Variants in COMMD1 observed in about 807,000 individuals in gnomAD.
COMMD1 encodes COMM domain-containing protein 1.
In COMMD1, 10 loss-of-function variants were observed where a neutral mutation model predicts 17.2. The observed-to-expected ratio is 0.58, with a 90% CI of 0.36 to 0.99. The LOEUF (loss-of-function observed/expected upper bound fraction) is 0.99, where lower values mean the gene tolerates loss of function less well. Among genes scored for constraint, COMMD1 ranks in the 50% least tolerant of loss-of-function variants. COMMD1 has a pLI of 0.01. For synonymous variants in COMMD1, 97 were observed against 91.6 expected, an observed-to-expected ratio of 1.06 and a Z score of -0.34; for missense variants, 270 against 231.8, an observed-to-expected ratio of 1.17 and a Z score of -1.07.
chr2:61,982,956 CAG>C (rs1671997539), intron 1 of COMMD1, among the ~76,000 whole-genome samples: 1 of 152,094 alleles, frequency 6.6e-6, no homozygotes, highest in Non-Finnish European at 1.5e-5. Context: ...TAATGTTCAT[CAG>C]AGATATTGGC....
chr2:61,997,321 C>T (rs1558554054), intron 1 of COMMD1, among the ~76,000 whole-genome samples: 1 of 151,718 alleles, frequency 6.6e-6, no homozygotes, highest in Non-Finnish European at 1.5e-5. Flanking sequence ...CTCGGCCTCC[C>T]AAGTGCTGAG....
At chr2:61,979,700 T>C (rs568646903) in intron 1 of COMMD1, among the ~76,000 whole-genome samples, 2 of 152,262 alleles carry the variant, frequency 1.3e-5, no homozygotes, top group African/African-American at 4.8e-5. Context: ...CCCTTTTCTC[T>C]GTATCCTCAC....
At chr2:61,896,612 C>T (rs1395106820) in intron 1 of COMMD1, among the ~76,000 whole-genome samples, 1 of 152,054 alleles carries the variant, frequency 6.6e-6, no homozygotes, top group Non-Finnish European at 1.5e-5. Context: ...CTTGTTATTA[C>T]TCCTCTGCTT....
intron 1 of COMMD1, among the ~76,000 whole-genome samples, chr2:61,970,944 G>C (rs1456737820): frequency 6.6e-6 from 1 of 152,100 alleles, no homozygotes; most frequent in African/African-American, 2.4e-5. Context: ...CAGGGTCCCT[G>C]TTGCCCAGGC....
Position 61,957,242 on chromosome 2 carries a change from G to A in COMMD1, c.181-43459G>A, listed in dbSNP as rs560967123. On this transcript the variant is annotated intron_variant, in intron 1 of 2. Transcript: ENST00000311832. ...TGAGTAGCAGGGATTACAGGTGTAG[G>A]TTTATAACCTGCTTCATAGGAGATT... Among the ~76,000 whole-genome samples the A allele has an allele frequency of 1.1e-4, 17 of 152,090 alleles. No individual in the cohort carries two copies. The South Asian group carries it at 3.3e-3, about 30-fold the overall frequency.
At position 61,947,153 on chromosome 2, in the gene COMMD1, G is replaced by C. The variant is rs147731310; in HGVS notation, c.180+41295G>C. 3.1e-4 allele frequency among the ~76,000 whole-genome samples: 47 copies of C among 152,138 alleles called. No homozygotes were observed. In the East Asian group the frequency reaches 8.3e-3, roughly 27 times the overall value. On this transcript the variant is annotated intron_variant, in intron 1 of 2. Transcript: ENST00000311832. The stretch of plus-strand genomic sequence containing the variant: ...GTTGTCAAAAGTAGATGTTTACTAA[G>C]AGACCCAAATATCTTTAGTTTCTCT...
chr2:62,127,223 G>C (rs1672908914), intron 2 of COMMD1, among the ~76,000 whole-genome samples: 1 of 152,152 alleles, frequency 6.6e-6, no homozygotes, highest in African/African-American at 2.4e-5. Context: ...AAGGAAATCA[G>C]AGAGGACACA....
intron 1 of COMMD1, among the ~76,000 whole-genome samples, chr2:61,911,764 C>T (rs1342746612): frequency 1.3e-5 from 2 of 152,178 alleles, no homozygotes; most frequent in Non-Finnish European, 2.9e-5. Flanking sequence ...CCTCTTTACT[C>T]TCCTGCTCTC....
intron 1 of COMMD1, among the ~76,000 whole-genome samples, chr2:61,943,313 G>A (rs1572986969): frequency 6.6e-6 from 1 of 152,166 alleles, no homozygotes; most frequent in South Asian, 2.1e-4. Flanking sequence ...ACCAAACAGG[G>A]TGCCTGAGAG....
intron 1 of COMMD1, among the ~76,000 whole-genome samples, chr2:61,920,558 G>A (rs1445824924): frequency 1.3e-5 from 2 of 152,032 alleles, no homozygotes; most frequent in Non-Finnish European, 2.9e-5. Flanking sequence ...GTGTTTAATA[G>A]GAAGAAATAT....
rs543439519 is a variant in COMMD1 at position 61,948,940 on chromosome 2, G to A, written c.180+43082G>A. On this transcript the variant is annotated intron_variant, in intron 1 of 2. Coordinates refer to ENST00000311832, the MANE Select transcript of COMMD1 (RefSeq NM_152516.4). The stretch of plus-strand genomic sequence containing the variant: ...GTCTGAAGGGATGGGTCTCAGAGGA[G>A]CCAGCTTGGGAGATATTTAGGTTTT... Among the ~76,000 whole-genome samples the A allele has an allele frequency of 3.1e-4, 47 of 152,248 alleles. 1 individual carries two copies. The highest frequency in any genetic ancestry group is 1.0e-3 in the African/African-American group (43 of 41,552).
chr2:61,968,681 C>G (rs1489755052), intron 1 of COMMD1, among the ~76,000 whole-genome samples: 1 of 151,566 alleles, frequency 6.6e-6, no homozygotes, highest in Non-Finnish European at 1.5e-5. Context: ...CTCAGCCTTT[C>G]CAGTAGTTGT....
chr2:62,009,080 G>A (rs896128796), intron 2 of COMMD1, among the ~76,000 whole-genome samples: 3 of 151,824 alleles, frequency 2.0e-5, no homozygotes, highest in Admixed American at 2.0e-4. Flanking sequence ...CACCGGGCCC[G>A]GTCTAGAATA....
At chr2:62,026,476 G>A (rs375579805) in intron 2 of COMMD1, among the ~76,000 whole-genome samples, 2 of 152,040 alleles carry the variant, frequency 1.3e-5, no homozygotes, top group African/African-American at 2.4e-5. Flanking sequence ...CTGCCCCCTC[G>A]ACCCAAACAC....
At chr2:62,113,494 C>G (rs1260218129) in intron 2 of COMMD1, among the ~76,000 whole-genome samples, 2 of 152,214 alleles carry the variant, frequency 1.3e-5, no homozygotes, top group Non-Finnish European at 2.9e-5. Context: ...AGCGATTCCC[C>G]TGCCCCAGCC....
rs369357866 is a variant in COMMD1, at chr2:61,910,396, C to T, written c.180+4538C>T. On this transcript the variant is annotated intron_variant, in intron 1 of 2. Transcript: ENST00000311832. ...CTGAGTAGCTGGGATTACAGACACC[C>T]GCCACCACACCCAGCTAATTTTTGT... 4.0e-4 allele frequency among the ~76,000 whole-genome samples: 61 copies of T among 151,736 alleles called. 1 individual carries two copies. The highest frequency in any genetic ancestry group is 6.8e-4 in the Non-Finnish European group (46 of 67,952).
chr2:62,039,963 G>A (rs1395861482), intron 2 of COMMD1, among the ~76,000 whole-genome samples: 10 of 152,208 alleles, frequency 6.6e-5, no homozygotes, highest in Non-Finnish European at 2.9e-5. Context: ...CATTTGTTAA[G>A]AGTACCGCTT....
chr2:61,949,851 G>A (rs1028086509), intron 1 of COMMD1, among the ~76,000 whole-genome samples: 2 of 152,140 alleles, frequency 1.3e-5, no homozygotes, highest in Non-Finnish European at 2.9e-5. Flanking sequence ...GAGCTGGCAT[G>A]GTCCTTAGGA....
intron 2 of COMMD1, among the ~76,000 whole-genome samples, chr2:62,095,648 T>A (rs1245894247): frequency 6.7e-6 from 1 of 150,252 alleles, no homozygotes; most frequent in Non-Finnish European, 1.5e-5. Flanking sequence ...AATAATCGTA[T>A]AAGTGCAACT....
Sources: allele counts gnomAD v4.1 joint callset (sites outside exome capture counted in the v4.1 genomes callset), GRCh38; gene constraint gnomAD v4.1.1; transcripts MANE v1.5; gene names NCBI Gene and HGNC (gene_info 2026-07-23, HGNC 2026-07-21).